GDA: variants seen among roughly 807,000 people sequenced by gnomAD.
GDA encodes guanine deaminase.
Under a neutral mutation model 59.6 loss-of-function variants are expected in GDA, and 18 were observed. That is an observed-to-expected ratio of 0.30 (90% CI 0.21 to 0.45). The LOEUF is 0.45. Ranked by LOEUF, GDA falls within the 20% of genes least tolerant of loss-of-function variation. The probability of loss-of-function intolerance (pLI) is 1.00; values close to 1 mark genes in which losing one functional copy is unlikely to be tolerated. For synonymous variants in GDA, 201 were observed against 201.1 expected, an observed-to-expected ratio of 1.00 and a Z score of 0.00; for missense variants, 427 against 552.3, an observed-to-expected ratio of 0.77 and a Z score of 2.27.
chr9:72,236,905 G>A (rs767603195), intron 10 of GDA, among the ~76,000 whole-genome samples: 5 of 150,868 alleles, frequency 3.3e-5, no homozygotes, highest in Admixed American at 6.6e-5. Context: ...TCAGCCTCCC[G>A]AGTAGCTGAG....
At chr9:72,176,994 G>T (rs1042977052) in intron 1 of GDA, among the ~76,000 whole-genome samples, 1 of 151,736 alleles carries the variant, frequency 6.6e-6, no homozygotes. Context: ...CTCACTTTGC[G>T]TAATAGTGGA....
At chr9:72,162,625 C>T (rs1037538747) in intron 1 of GDA, among the ~76,000 whole-genome samples, 3 of 151,308 alleles carry the variant, frequency 2.0e-5, no homozygotes, top group Non-Finnish European at 2.9e-5. Context: ...GGAAAGCCTA[C>T]GAAGGGTGTC....
intron 1 of GDA, among the ~76,000 whole-genome samples, chr9:72,135,495 T>C (rs190179507): frequency 9.9e-4 from 151 of 152,322 alleles, no homozygotes; most frequent in Middle Eastern, 6.8e-3. Flanking sequence ...CAGCTTTGTC[T>C]GATTCCAAAT....
intron 1 of GDA, among the ~76,000 whole-genome samples, chr9:72,138,570 G>A (rs900705108): frequency 2.0e-5 from 3 of 152,162 alleles, no homozygotes; most frequent in Admixed American, 2.0e-4. Context: ...TGCATTAAAC[G>A]CTGTTTCCAT....
intron 1 of GDA, among the ~76,000 whole-genome samples, chr9:72,129,247 G>C (rs940734095): frequency 1.3e-5 from 2 of 152,136 alleles, no homozygotes; most frequent in Non-Finnish European, 2.9e-5. Flanking sequence ...ACAGGCGTGA[G>C]CCACTGTGCC....
chr9:72,252,164 T>G lies in GDA; in HGVS notation c.*3822T>G, dbSNP rs1409223832. ...ATTTGTATGATTCGCTTACTGTTATTGTGCTGAGTGAGCTCCTGTGTGCTT... is the reference window on the plus strand; with the variant it reads ...ATTTGTATGATTCGCTTACTGTTATGGTGCTGAGTGAGCTCCTGTGTGCTT... On this transcript the variant is annotated 3_prime_UTR_variant, in exon 14 of 14. Transcript: ENST00000358399. 1 of 152,650 alleles carries G rather than the reference T, an allele frequency of 6.6e-6. No homozygotes were observed. Among genetic ancestry groups the G allele is most frequent in the Non-Finnish European group, 1.5e-5 (1 of 68,030 alleles). The allele number at this position is 152,650 out of a possible 1,614,324, so 9.5% of individuals were successfully genotyped here. A position where few individuals can be genotyped will look rare whatever the true frequency, so the allele number is the denominator to read the frequency against.
intron 1 of GDA, among the ~76,000 whole-genome samples, chr9:72,127,181 G>A (rs1052698129): frequency 3.3e-5 from 5 of 151,756 alleles, no homozygotes; most frequent in South Asian, 2.1e-4. Context: ...ACTACTAAAC[G>A]GAGTAGAGTA....
At chr9:72,227,030 A>G (rs1837689475) in intron 8 of GDA, among the ~76,000 whole-genome samples, 1 of 152,114 alleles carries the variant, frequency 6.6e-6, no homozygotes, top group African/African-American at 2.4e-5. Context: ...AGATAGGAGA[A>G]TGGCGTGAAC....
intron 1 of GDA, among the ~76,000 whole-genome samples, chr9:72,190,294 T>C (rs1832374349): frequency 6.6e-6 from 1 of 152,028 alleles, no homozygotes; most frequent in African/African-American, 2.4e-5. Flanking sequence ...GCCTGGCTAA[T>C]TTTTGTATTT....
At chr9:72,127,432 A>G (rs979302349) in intron 1 of GDA, among the ~76,000 whole-genome samples, 2 of 151,908 alleles carry the variant, frequency 1.3e-5, no homozygotes, top group Non-Finnish European at 2.9e-5. Context: ...AGGTCAAGCG[A>G]TTGAGACAAT....
chr9:72,194,646 C>A (rs561767744), intron 1 of GDA, among the ~76,000 whole-genome samples: 6 of 152,240 alleles, frequency 3.9e-5, no homozygotes, highest in Admixed American at 3.3e-4. Flanking sequence ...TGTTCCCCCC[C>A]TTCCCGGCCC....
At chr9:72,197,264 T>A (rs1248827576) in intron 2 of GDA, among the ~76,000 whole-genome samples, 2 of 152,226 alleles carry the variant, frequency 1.3e-5, no homozygotes, top group African/African-American at 4.8e-5. Flanking sequence ...CCTGCAGTTT[T>A]ACTCACATCC....
downstream of GDA, among the ~76,000 whole-genome samples, chr9:72,259,363 G>A (rs368104460): frequency 3.3e-5 from 5 of 152,312 alleles, no homozygotes; most frequent in East Asian, 1.9e-4. Flanking sequence ...ATCAGAGAGC[G>A]CTGTCTTTCT....
intron 11 of GDA, among the ~76,000 whole-genome samples, chr9:72,241,553 T>TAA (rs1839613019): frequency 1.3e-5 from 2 of 152,178 alleles, no homozygotes; most frequent in Non-Finnish European, 2.9e-5. Flanking sequence ...TAATGGGTAT[T>TAA]ACATTGGTTA....
At position 72,222,311 on chromosome 9, in the gene GDA, G is replaced by A. The variant is rs111922280; in HGVS notation, c.607-809G>A. On this transcript the variant is annotated intron_variant, in intron 6 of 13. Coordinates refer to ENST00000358399, the MANE Select transcript of GDA (RefSeq NM_004293.5). Reference sequence around the variant, plus strand: ...TTGATTTGTATTTCTCTAATGATCAGTGATGTTGAGCTTTTTTTTCATGTG... The same window carrying A: ...TTGATTTGTATTTCTCTAATGATCAATGATGTTGAGCTTTTTTTTCATGTG... Among the ~76,000 whole-genome samples, 576 of 152,264 alleles carry A rather than the reference G, an allele frequency of 3.8e-3. 5 individuals carry two copies. The highest frequency in any genetic ancestry group is 0.025 in the South Asian group (119 of 4,818).
intron 4 of GDA, among the ~76,000 whole-genome samples, chr9:72,211,672 G>T (rs13298434): frequency 0.29 from 43,335 of 152,012 alleles, 6,465 homozygotes; most frequent in East Asian, 0.52. Flanking sequence ...CCTTTAAACT[G>T]GGCTTTGAAG....
chr9:72,148,998 C>T (rs188502386), upstream of GDA, among the ~76,000 whole-genome samples: 3 of 152,156 alleles, frequency 2.0e-5, no homozygotes, highest in East Asian at 1.9e-4. Flanking sequence ...CAGAGATGTT[C>T]GGTAAGACAT....
chr9:72,247,079 T>A (rs546885445), intron 12 of GDA, among the ~76,000 whole-genome samples: 1 of 152,364 alleles, frequency 6.6e-6, no homozygotes, highest in South Asian at 2.1e-4. Flanking sequence ...GAGCTTGTCT[T>A]ACATCATACC....
chr9:72,165,041 T>G (rs1829125621), intron 1 of GDA, among the ~76,000 whole-genome samples: 1 of 152,014 alleles, frequency 6.6e-6, no homozygotes, highest in South Asian at 2.1e-4. Flanking sequence ...AATACTTTGC[T>G]TAGGTTTCTG....
Sources: gnomAD v4.1 joint callset for allele counts (sites outside exome capture counted in the v4.1 genomes callset) on GRCh38, gnomAD v4.1.1 for gene constraint, MANE v1.5 for transcripts, NCBI Gene and HGNC (gene_info 2026-07-23, HGNC 2026-07-21) for gene names.